LATS1: variants seen among roughly 807,000 people sequenced by gnomAD.
LATS1 encodes large tumor suppressor kinase 1.
Under a neutral mutation model 106.6 loss-of-function variants are expected in LATS1, and 25 were observed. The ratio of observed to expected loss-of-function variants is 0.23; its 90% CI spans 0.17 to 0.33. The LOEUF is 0.33. Among genes scored for constraint, LATS1 ranks in the 10% least tolerant of loss-of-function variants. LATS1 has a pLI of 1.00. For synonymous variants in LATS1, 465 were observed against 455.6 expected, an observed-to-expected ratio of 1.02 and a Z score of -0.26; for missense variants, 1,040 against 1,382.6, an observed-to-expected ratio of 0.75 and a Z score of 3.93.
chr6:149,697,034 C>T, intron 2 of LATS1: 1 of 657,642 alleles, frequency 1.5e-6, no homozygotes, highest in Non-Finnish European at 2.5e-6. Context: ...ATAAATCACT[C>T]ACTATCATGC....
intron 1 of LATS1, among the ~76,000 whole-genome samples, chr6:149,710,595 T>C (rs1042907529): frequency 6.6e-6 from 1 of 152,208 alleles, no homozygotes; most frequent in East Asian, 1.9e-4. Context: ...TATGCAGTCC[T>C]GCCTTAGTGA....
chr6:149,680,783 T>C (rs1781997432), intron 4 of LATS1, among the ~76,000 whole-genome samples: 1 of 147,262 alleles, frequency 6.8e-6, no homozygotes. Context: ...GCAACAAACA[T>C]CTGTTAACAT....
chr6:149,670,490 C>T (rs1049262901), intron 7 of LATS1, among the ~76,000 whole-genome samples: 3 of 151,952 alleles, frequency 2.0e-5, no homozygotes, highest in African/African-American at 7.3e-5. Context: ...CAGGCAGCAG[C>T]GTGTGTGAAC....
intron 2 of LATS1, among the ~76,000 whole-genome samples, chr6:149,700,431 C>T (rs543807208): frequency 6.6e-6 from 1 of 152,226 alleles, no homozygotes; most frequent in East Asian, 1.9e-4. Flanking sequence ...TGAGATCGCA[C>T]CACTGCACTC....
In LATS1 at chr6:149,679,895, T is replaced by C; in HGVS notation, c.2573A>G (p.Asp858Gly). 6.2e-7 allele frequency: 1 copy of C among 1,602,774 alleles called. No individual in the cohort carries two copies. Among genetic ancestry groups the C allele is most frequent in the Non-Finnish European group, 8.5e-7 (1 of 1,174,716 alleles). Residue 858 changes from aspartate (D) to glycine (G), a missense_variant, in exon 5 of 8, where the codon GAT becomes GGT. Coordinates refer to ENST00000543571, the MANE Select transcript of LATS1 (RefSeq NM_004690.4). ...CTTACCACTCTGATAGTACTTAGAA[T>C]CGTGTGTCCATCTGAAGCCAGTGCA... The part of the protein sequence containing the change: ...GLCTGFRWTH[D>G]SKYYQSGDHP...
intron 3 of LATS1, among the ~76,000 whole-genome samples, chr6:149,694,793 T>C (rs956867800): frequency 4.6e-5 from 7 of 152,130 alleles, no homozygotes; most frequent in Non-Finnish European, 1.0e-4. Context: ...GTCTGAATGA[T>C]GGGATTTGGA....
chr6:149,698,552 CTTTT>C (rs748004563), intron 2 of LATS1, among the ~76,000 whole-genome samples: 2 of 128,916 alleles, frequency 1.6e-5, no homozygotes, highest in African/African-American at 2.9e-5. Flanking sequence ...AGCCAGAAGT[CTTTT>C]TTTTTTTTTT....
chr6:149,681,854 C>T (rs1005068647), intron 4 of LATS1, among the ~76,000 whole-genome samples: 2 of 152,266 alleles, frequency 1.3e-5, no homozygotes, highest in East Asian at 1.9e-4. Flanking sequence ...GTGGCTCATG[C>T]CTGTAATCCC....
In LATS1 at chr6:149,661,483, A is replaced by C. The variant is rs1780882168; in HGVS notation, c.*246T>G. ...ATTTTAAGTACTTTAAGTACCAAGA[A>C]CTGACTATAATATTCAGTTCATAAT... On this transcript the variant is annotated 3_prime_UTR_variant, in exon 8 of 8. Transcript: ENST00000543571. 2.7e-6 allele frequency: 1 copy of C among 372,078 alleles called. No homozygotes were observed. The highest frequency in any genetic ancestry group is 1.0e-4 in the South Asian group (1 of 9,704). 23.0% of individuals were successfully genotyped at this position (372,078 alleles called of 1,614,324 possible). A position where few individuals can be genotyped will look rare whatever the true frequency, so the allele number is the denominator to read the frequency against.
chr6:149,661,182 T>C lies in LATS1; in HGVS notation c.*547A>G, dbSNP rs1780868266. 4 of 228,064 alleles carry C rather than the reference T, an allele frequency of 1.8e-5. No homozygotes were observed. Among genetic ancestry groups the C allele is most frequent in the Non-Finnish European group, 2.6e-5 (3 of 115,012 alleles). The allele number at this position is 228,064 out of a possible 1,614,324, so 14.1% of individuals were successfully genotyped here. A position where few individuals can be genotyped will look rare whatever the true frequency, so the allele number is the denominator to read the frequency against. ...TATTAATATTTTTTCAACCCTGTAT[T>C]CCTTAGTTTCAGGATGTGAATTATA... On this transcript the variant is annotated 3_prime_UTR_variant, in exon 8 of 8. Coordinates refer to ENST00000543571, the MANE Select transcript of LATS1 (RefSeq NM_004690.4).
At chr6:149,691,740 T>C (rs1782763970) in intron 3 of LATS1, among the ~76,000 whole-genome samples, 1 of 152,228 alleles carries the variant, frequency 6.6e-6, no homozygotes, top group Admixed American at 6.5e-5. Flanking sequence ...CTATTTCATA[T>C]GTATGGCTCA....
intron 7 of LATS1, among the ~76,000 whole-genome samples, chr6:149,665,707 A>C (rs777061891): frequency 3.9e-5 from 6 of 152,232 alleles, no homozygotes; most frequent in Non-Finnish European, 5.9e-5. Flanking sequence ...GGAAAAGACC[A>C]CAGCCTACAA....
chr6:149,682,970 AT>A, intron 4 of LATS1, 108 bp downstream of exon 4: 3 of 817,740 alleles, frequency 3.7e-6, no homozygotes, highest in Non-Finnish European at 5.5e-6. Flanking sequence ...CTGATAATAT[AT>A]TTTATTTAGC....
In LATS1 at chr6:149,676,591, G is replaced by T; in HGVS notation, c.2740C>A (p.Pro914Thr). 6.2e-7 allele frequency: 1 copy of T among 1,613,992 alleles called. No individual in the cohort carries two copies. Among genetic ancestry groups the T allele is most frequent in the South Asian group, 1.1e-5 (1 of 91,068 alleles). The change falls in exon 6 of 8, where the codon CCC (proline) becomes ACC (threonine). Residue 914 changes from proline (P) to threonine (T), a missense_variant. Pro to Thr is a conservative substitution (Grantham distance 38). This residue lies in a region of LATS1 where 23 missense variants were observed against 56.9 expected (regional missense o/e 0.40). Coordinates refer to ENST00000543571, the MANE Select transcript of LATS1 (RefSeq NM_004690.4). ...AACACTTCAGGTGCAATATAATTGGGAGTCCCAACCAAAGAATGTGCTAGA... is the reference window on the plus strand; with the variant it reads ...AACACTTCAGGTGCAATATAATTGGTAGTCCCAACCAAAGAATGTGCTAGA... ...RCLAHSLVGT[P>T]NYIAPEVLLR...
chr6:149,710,443 T>A (rs1017266233), intron 1 of LATS1, among the ~76,000 whole-genome samples: 1 of 152,364 alleles, frequency 6.6e-6, no homozygotes, highest in East Asian at 1.9e-4. Flanking sequence ...AAGTCCTGAC[T>A]GGGCCTATTG....
chr6:149,716,878 A>G (rs1464819036), intron 1 of LATS1, among the ~76,000 whole-genome samples: 2 of 152,210 alleles, frequency 1.3e-5, no homozygotes, highest in Admixed American at 6.5e-5. Flanking sequence ...ATTCACTCCA[A>G]TTATAATGTC....
chr6:149,699,997 AT>A (rs1278022829), intron 2 of LATS1, among the ~76,000 whole-genome samples: 1 of 152,166 alleles, frequency 6.6e-6, no homozygotes, highest in African/African-American at 2.4e-5. Context: ...GCTTGGGACA[AT>A]CTCCACTCAA....
chr6:149,688,570 AG>A (rs1188357941), intron 3 of LATS1, among the ~76,000 whole-genome samples: 1 of 151,878 alleles, frequency 6.6e-6, no homozygotes, highest in Non-Finnish European at 1.5e-5. Context: ...GGCCTCCCAA[AG>A]TGCTGGGATT....
chr6:149,704,559 T>G (rs1409036001), intron 1 of LATS1, among the ~76,000 whole-genome samples: 1 of 150,880 alleles, frequency 6.6e-6, no homozygotes, highest in Non-Finnish European at 1.5e-5. Flanking sequence ...TGATCACAGC[T>G]CACTGCAGCC....
Sources: allele counts gnomAD v4.1 joint callset (sites outside exome capture counted in the v4.1 genomes callset), GRCh38; gene constraint gnomAD v4.1.1; regional missense constraint gnomAD v4.1.1; transcripts MANE v1.5; gene names NCBI Gene and HGNC (gene_info 2026-07-23, HGNC 2026-07-21).